RUNX2: variants seen among roughly 807,000 people sequenced by gnomAD.
RUNX2 encodes the protein runt-related transcription factor 2.
In RUNX2, 10 loss-of-function variants were observed where a neutral mutation model predicts 51.7. The observed-to-expected ratio is 0.19, with a 90% CI of 0.12 to 0.33. RUNX2 has a LOEUF of 0.33. RUNX2 is among the 10% of genes least tolerant of loss of function. The probability of loss-of-function intolerance (pLI) is 1.00; values close to 1 mark genes in which losing one functional copy is unlikely to be tolerated. For synonymous variants in RUNX2, 276 were observed against 273.6 expected (o/e 1.01, Z -0.09); for missense variants, 562 against 691.3 (o/e 0.81, Z 2.10).
intron 2 of RUNX2, among the ~76,000 whole-genome samples, chr6:45,330,764 G>C (rs778122933): frequency 6.6e-6 from 1 of 151,322 alleles, no homozygotes; most frequent in Non-Finnish European, 1.5e-5. Context: ...CTTTTGAAAA[G>C]TGGGCTGCAC....
At chr6:45,520,080 C>T (rs1261081189) in intron 7 of RUNX2, among the ~76,000 whole-genome samples, 2 of 152,056 alleles carry the variant, frequency 1.3e-5, no homozygotes, top group African/African-American at 2.4e-5. Flanking sequence ...GATCCACCTG[C>T]CTTGGCCTCC....
chr6:45,411,849 C>T (rs1008253936), intron 2 of RUNX2, among the ~76,000 whole-genome samples: 2 of 152,066 alleles, frequency 1.3e-5, no homozygotes, highest in Non-Finnish European at 2.9e-5. Context: ...TTCAATGAAA[C>T]TACTAGATGC....
At chr6:45,486,985 G>A (rs1800302350) in intron 5 of RUNX2, among the ~76,000 whole-genome samples, 1 of 152,078 alleles carries the variant, frequency 6.6e-6, no homozygotes, top group Non-Finnish European at 1.5e-5. Flanking sequence ...GGGGTGATTC[G>A]CTAGACTATG....
chr6:45,498,008 G>C (rs919698469), intron 6 of RUNX2, among the ~76,000 whole-genome samples: 2 of 152,140 alleles, frequency 1.3e-5, no homozygotes. Context: ...ATAGCTCTAT[G>C]AGATAGGAGG....
At chr6:45,506,309 T>A (rs1800965980) in intron 6 of RUNX2, among the ~76,000 whole-genome samples, 1 of 152,196 alleles carries the variant, frequency 6.6e-6, no homozygotes, top group African/African-American at 2.4e-5. Context: ...AGGAAAGACC[T>A]GATTTTCTCT....
chr6:45,463,978 G>A (rs1281040834), intron 5 of RUNX2, among the ~76,000 whole-genome samples: 1 of 152,168 alleles, frequency 6.6e-6, no homozygotes, highest in Admixed American at 6.5e-5. Context: ...TGAATCACGA[G>A]GTCAGGAGAT....
intron 5 of RUNX2, among the ~76,000 whole-genome samples, chr6:45,450,755 C>G (rs1014314330): frequency 2.0e-5 from 3 of 152,256 alleles, no homozygotes; most frequent in South Asian, 2.1e-4. Context: ...GTGTGCAAAC[C>G]TTGAACACAG....
At chr6:45,484,040 A>G (rs1800194062) in intron 5 of RUNX2, among the ~76,000 whole-genome samples, 1 of 152,188 alleles carries the variant, frequency 6.6e-6, no homozygotes, top group Non-Finnish European at 1.5e-5. Flanking sequence ...GAATGTTAGG[A>G]TTTGGGGGCA....
chr6:45,403,742 A>G (rs1187912383), intron 2 of RUNX2, among the ~76,000 whole-genome samples: 1 of 152,214 alleles, frequency 6.6e-6, no homozygotes, highest in African/African-American at 2.4e-5. Flanking sequence ...ACAAGCTCTC[A>G]TGGAGCTGAC....
At chr6:45,528,488 G>A (rs1801740859) in intron 7 of RUNX2, among the ~76,000 whole-genome samples, 2 of 152,094 alleles carry the variant, frequency 1.3e-5, no homozygotes, top group African/African-American at 4.8e-5. Context: ...GGGTGTGGTG[G>A]CACGCAATTG....
intron 2 of RUNX2, among the ~76,000 whole-genome samples, chr6:45,365,800 T>C (rs1795037223): frequency 6.6e-6 from 1 of 151,586 alleles, no homozygotes; most frequent in Non-Finnish European, 1.5e-5. Flanking sequence ...GATACAAAAT[T>C]AGAAAACTAC....
intron 5 of RUNX2, among the ~76,000 whole-genome samples, chr6:45,446,233 A>C (rs1304368630): frequency 6.6e-6 from 1 of 152,168 alleles, no homozygotes; most frequent in Non-Finnish European, 1.5e-5. Flanking sequence ...ATTGTATTGG[A>C]CTTGTGTTAA....
At chr6:45,458,391 A>G (rs193196504) in intron 5 of RUNX2, among the ~76,000 whole-genome samples, 189 of 152,328 alleles carry the variant, frequency 1.2e-3, no homozygotes, top group Admixed American at 3.9e-3. Flanking sequence ...TTTGTTAAGC[A>G]TCTTACATTC....
At chr6:45,362,535 T>TA (rs1400593313) in intron 2 of RUNX2, among the ~76,000 whole-genome samples, 1 of 152,180 alleles carries the variant, frequency 6.6e-6, no homozygotes, top group East Asian at 1.9e-4. Context: ...ATCAAAAGCC[T>TA]AAAAATCTCA....
chr6:45,454,173 TTAA>T (rs1273638048), intron 5 of RUNX2, among the ~76,000 whole-genome samples: 1 of 152,178 alleles, frequency 6.6e-6, no homozygotes, highest in African/African-American at 2.4e-5. Context: ...TGGAAGTAAG[TTAA>T]TGGAAAAGGA....
At chr6:45,502,017 T>C (rs1800812097) in intron 6 of RUNX2, among the ~76,000 whole-genome samples, 1 of 152,224 alleles carries the variant, frequency 6.6e-6, no homozygotes, top group Non-Finnish European at 1.5e-5. Flanking sequence ...AGCTGTCATG[T>C]GGAGTAGTAA....
chr6:45,350,869 G>A (rs1028139709), intron 2 of RUNX2, among the ~76,000 whole-genome samples: 24 of 152,244 alleles, frequency 1.6e-4, no homozygotes, highest in Admixed American at 1.4e-3. Context: ...CCAACCCCCA[G>A]TTCCAGTTCG....
chr6:45,447,738 C>T (rs1799044236), intron 5 of RUNX2, among the ~76,000 whole-genome samples: 1 of 152,156 alleles, frequency 6.6e-6, no homozygotes, highest in Non-Finnish European at 1.5e-5. Flanking sequence ...ATTTGCTTAT[C>T]ATTCCTTCTT....
At chr6:45,392,467 C>T (rs1797492347) in intron 2 of RUNX2, among the ~76,000 whole-genome samples, 1 of 152,178 alleles carries the variant, frequency 6.6e-6, no homozygotes, top group South Asian at 2.1e-4. Context: ...CACCACTATA[C>T]TCCAGCCTGG....
Sources: allele counts gnomAD v4.1 joint callset (sites outside exome capture counted in the v4.1 genomes callset), GRCh38; gene constraint gnomAD v4.1.1; transcripts MANE v1.5; gene names NCBI Gene and HGNC (gene_info 2026-07-23, HGNC 2026-07-21).